Variants in NTAN1 observed in about 807,000 individuals in gnomAD.
NTAN1 encodes the protein protein N-terminal asparagine amidohydrolase.
In NTAN1, 32 loss-of-function variants were observed where a neutral mutation model predicts 41.9. That is an observed-to-expected ratio of 0.76 (90% CI 0.58 to 1.03). The LOEUF (loss-of-function observed/expected upper bound fraction) is 1.03. NTAN1 is among the 50% of genes least tolerant of loss of function. The pLI, the probability that NTAN1 is intolerant of heterozygous loss-of-function variation, is 0.00. For synonymous variants in NTAN1, 140 were observed against 139.5 expected (o/e 1.00, Z -0.03); for missense variants, 377 against 377.5 (o/e 1.00, Z 0.01).
Position 15,038,702 on chromosome 16 carries a change from G to T in NTAN1, c.640-15C>A, listed in dbSNP as rs887046962. The T allele has an allele frequency of 5.0e-6, 7 of 1,398,496 alleles. No homozygotes were observed. Among genetic ancestry groups the T allele is most frequent in the Admixed American group, 1.8e-5 (1 of 56,638 alleles). The allele number at this position is 1,398,496 out of a possible 1,614,324, so 86.6% of individuals were successfully genotyped here. On this transcript the variant is annotated splice_polypyrimidine_tract_variant and intron_variant, in intron 8 of 9. Coordinates refer to ENST00000287706, the MANE Select transcript of NTAN1 (RefSeq NM_173474.4). ...ATGCTAATCATCTAAAAAAGAACGT[G>T]TCAAGGATAGAATTTCAGGAATGTC...
At chr16:15,040,635 A>G (rs1305452388) in intron 7 of NTAN1, among the ~76,000 whole-genome samples, 9 of 152,064 alleles carry the variant, frequency 5.9e-5, no homozygotes, top group Non-Finnish European at 1.3e-4. Context: ...AGAGTTTTAC[A>G]CTTTGGAGGA....
intron 1 of NTAN1, among the ~76,000 whole-genome samples, chr16:15,051,673 G>A (rs1397682831): frequency 3.5e-5 from 5 of 143,334 alleles, no homozygotes; most frequent in African/African-American, 5.2e-5. Context: ...ATGAGCCACT[G>A]TGCCCAGCCT....
chr16:15,042,296 C>T (rs921293814), intron 5 of NTAN1, among the ~76,000 whole-genome samples: 1 of 151,626 alleles, frequency 6.6e-6, no homozygotes, highest in Non-Finnish European at 1.5e-5. Context: ...AGCGATTTTC[C>T]TGCCTCAGCC....
intron 1 of NTAN1, among the ~76,000 whole-genome samples, chr16:15,053,727 A>G (rs2044385628): frequency 6.6e-6 from 1 of 152,140 alleles, no homozygotes; most frequent in Non-Finnish European, 1.5e-5. Context: ...CCTGGCCAAC[A>G]TGGTGAAAAC....
intron 5 of NTAN1, among the ~76,000 whole-genome samples, chr16:15,043,345 C>A (rs2043909911): frequency 5.9e-5 from 9 of 152,164 alleles, no homozygotes; most frequent in Admixed American, 5.9e-4. Context: ...CGGATATGAA[C>A]CTTTTTTAAG....
rs1002582202 is a variant in NTAN1, at chr16:15,044,118, GAA to G, written c.433+214_433+215del. Among the ~76,000 whole-genome samples the G allele has an allele frequency of 2.9e-4, 44 of 152,092 alleles. 1 individual carries two copies. The highest frequency in any genetic ancestry group is 2.9e-3 in the Admixed American group (44 of 15,274). Reference sequence around the variant, plus strand: ...GAATGTGTTCACTGCTGTTTTAGTAGAAAATCTTGTCCCCAGCCCTGCTACCC... The same window carrying G: ...GAATGTGTTCACTGCTGTTTTAGTAGAATCTTGTCCCCAGCCCTGCTACCC... On this transcript the variant is annotated intron_variant, in intron 5 of 9. Coordinates refer to ENST00000287706, the MANE Select transcript of NTAN1 (RefSeq NM_173474.4).
At chr16:15,054,707 T>G (rs2044432292) in intron 1 of NTAN1, among the ~76,000 whole-genome samples, 1 of 152,190 alleles carries the variant, frequency 6.6e-6, no homozygotes, top group Non-Finnish European at 1.5e-5. Context: ...TGACCTCATT[T>G]ATGCAGCAAA....
Position 15,048,105 on chromosome 16 carries a change from T to TA in NTAN1, c.82-7dup. The stretch of plus-strand genomic sequence containing the variant: ...CTGAGAAGTCTGGCTCTTTCCTGTT[T>TA]AATTAAAAAAAAAATAAAATAGTGA... On this transcript the variant is annotated splice_polypyrimidine_tract_variant and splice_region_variant and intron_variant, in intron 1 of 9. Coordinates refer to ENST00000287706, the MANE Select transcript of NTAN1 (RefSeq NM_173474.4). 6.4e-7 allele frequency: 1 copy of TA among 1,557,568 alleles called. No homozygotes were observed. The highest frequency in any genetic ancestry group is 8.8e-7 in the Non-Finnish European group (1 of 1,142,782).
rs779224026 is a variant in NTAN1, at chr16:15,040,036, C to T, written c.572G>A (p.Arg191Lys). ...CGGACCCCGATCTTGAAAGGATGCT[C>T]TGTAAATCTCTGCAGTCTTAATGTT... The part of the protein sequence containing the change: ...AVNIKTAEIY[R>K]ASFQDRGPEE... Residue 191 changes from arginine to lysine, a missense_variant, in exon 8 of 10, where the codon AGA (arginine) becomes AAA (lysine). By Grantham distance (26) the Arg-to-Lys change is conservative (BLOSUM62 2). Coordinates refer to ENST00000287706, the MANE Select transcript of NTAN1 (RefSeq NM_173474.4). The T allele has an allele frequency of 3.7e-6, 6 of 1,610,498 alleles. No individual in the cohort carries two copies. Among genetic ancestry groups the T allele is most frequent in the East Asian group, 2.2e-5 (1 of 44,850 alleles).
At chr16:15,038,960 GA>G (rs2043679586) in intron 8 of NTAN1, among the ~76,000 whole-genome samples, 1 of 152,170 alleles carries the variant, frequency 6.6e-6, no homozygotes, top group Non-Finnish European at 1.5e-5. Context: ...GAGGCTCAGA[GA>G]AACAAGGCCC....
At chr16:15,038,392 C>T in intron 9 of NTAN1, 182 bp from the exon 10 acceptor site, 1 of 620,588 alleles carries the variant, frequency 1.6e-6, no homozygotes, top group South Asian at 2.2e-5. Flanking sequence ...CACACATTTC[C>T]ATCTAGGACT....
At position 15,043,047 on chromosome 16, in the gene NTAN1, T is replaced by C. The variant is rs145115224; in HGVS notation, c.433+1287A>G. 2.8e-3 allele frequency among the ~76,000 whole-genome samples: 419 copies of C among 152,252 alleles called. 1 individual carries two copies. Among genetic ancestry groups the C allele is most frequent in the Non-Finnish European group, 4.7e-3 (318 of 68,006 alleles). On this transcript the variant is annotated intron_variant, in intron 5 of 9. Transcript: ENST00000287706. The stretch of plus-strand genomic sequence containing the variant: ...TCCCAAGTAGCTGGGATTACAGGCA[T>C]GCACCACCATGCCTGGCTAATTTTG...
chr16:15,039,697 A>G (rs976498079), intron 8 of NTAN1, among the ~76,000 whole-genome samples: 16 of 152,160 alleles, frequency 1.1e-4, no homozygotes, highest in African/African-American at 3.6e-4. Context: ...ACAAAGTAAC[A>G]GAAGTTTGTT....
At chr16:15,042,467 G>T (rs2043859546) in intron 5 of NTAN1, among the ~76,000 whole-genome samples, 1 of 152,116 alleles carries the variant, frequency 6.6e-6, no homozygotes, top group South Asian at 2.1e-4. Flanking sequence ...TGGGATTACA[G>T]GAATGAGCCA....
chr16:15,055,767 G>T, intron 1 of NTAN1, 124 bp downstream of exon 1: 1 of 478,860 alleles, frequency 2.1e-6, no homozygotes, highest in East Asian at 3.7e-5. Context: ...GCGAGCCGAC[G>T]GCCGGGGCTC....
At chr16:15,041,290 G>C (rs1246901753) in intron 6 of NTAN1, among the ~76,000 whole-genome samples, 169 bp from the exon 7 acceptor site, 1 of 152,062 alleles carries the variant, frequency 6.6e-6, no homozygotes, top group Non-Finnish European at 1.5e-5. Flanking sequence ...CAAGGCAGGG[G>C]GGTTTATACT....
At chr16:15,049,142 C>G (rs1410229534) in intron 1 of NTAN1, among the ~76,000 whole-genome samples, 1 of 151,320 alleles carries the variant, frequency 6.6e-6, no homozygotes. Context: ...AATCCACCCA[C>G]CCTGGCCTCC....
intron 1 of NTAN1, among the ~76,000 whole-genome samples, chr16:15,053,469 T>C (rs2044372849): frequency 7.2e-6 from 1 of 138,208 alleles, no homozygotes; most frequent in Admixed American, 8.2e-5. Context: ...TATAGTAAGC[T>C]ATCATTTTTT....
At chr16:15,050,059 T>G (rs2044236737) in intron 1 of NTAN1, among the ~76,000 whole-genome samples, 1 of 152,232 alleles carries the variant, frequency 6.6e-6, no homozygotes, top group South Asian at 2.1e-4. Flanking sequence ...CTCAATGTTC[T>G]ATCACATAGT....
Sources: gnomAD v4.1 joint callset for allele counts (sites outside exome capture counted in the v4.1 genomes callset) on GRCh38, gnomAD v4.1.1 for gene constraint, MANE v1.5 for transcripts, NCBI Gene and HGNC (gene_info 2026-07-23, HGNC 2026-07-21) for gene names.